Variants in NUDCD1 observed in about 807,000 individuals in gnomAD.
NUDCD1 encodes nudC domain-containing protein 1.
Under a neutral mutation model 67.8 loss-of-function variants are expected in NUDCD1, and 60 were observed. That is an observed-to-expected ratio of 0.88 (90% confidence interval 0.72 to 1.10). The LOEUF (loss-of-function observed/expected upper bound fraction) is 1.10. NUDCD1 is among the 50% of genes least tolerant of loss of function. The pLI, the probability that NUDCD1 is intolerant of heterozygous loss-of-function variation, is 0.00. For synonymous variants in NUDCD1, 244 were observed against 230.8 expected, an observed-to-expected ratio of 1.06 and a Z score of -0.52; for missense variants, 643 against 695.0, an observed-to-expected ratio of 0.93 and a Z score of 0.84.
chr8:109,271,090 TG>T lies in NUDCD1; in HGVS notation c.1213del (p.Gln405LysfsTer3). On this transcript the variant is annotated frameshift_variant, in exon 8 of 10. Coordinates refer to ENST00000239690, the MANE Select transcript of NUDCD1 (RefSeq NM_032869.4). LOFTEE classifies it high-confidence loss of function. ...PDKEKPPCNAQELEECDIFFE... is the reference protein window; with the variant it reads ...PDKEKPPCNAXELEECDIFFE... The stretch of plus-strand genomic sequence containing the variant: ...GAAAATATCACATTCTTCTAACTCT[TG>T]AGCATTGCAAGGTGGTTTTTCTTTA... 6.3e-7 allele frequency: 1 copy of T among 1,590,978 alleles called. No individual in the cohort carries two copies. Among genetic ancestry groups the T allele is most frequent in the Non-Finnish European group, 8.6e-7 (1 of 1,163,218 alleles).
intron 8 of NUDCD1, among the ~76,000 whole-genome samples, chr8:109,259,252 C>T (rs976278987): frequency 6.6e-6 from 1 of 152,196 alleles, no homozygotes; most frequent in Non-Finnish European, 1.5e-5. Flanking sequence ...GGCTTACTGG[C>T]CATCTCCACA....
chr8:109,280,910 A>G lies in NUDCD1; in HGVS notation c.1028+58T>C, dbSNP rs963203453. The G allele has an allele frequency of 3.8e-6, 3 of 797,872 alleles. No homozygotes were observed. The African/African-American group carries it at 5.2e-5, about 14-fold the overall frequency. 49.4% of individuals were successfully genotyped at this position (797,872 alleles called of 1,614,324 possible). A position where few individuals can be genotyped will look rare whatever the true frequency, so the allele number is the denominator to read the frequency against. On this transcript the variant is annotated intron_variant, in intron 6 of 9. Coordinates refer to ENST00000239690, the MANE Select transcript of NUDCD1 (RefSeq NM_032869.4). ...TCTCTGATGTAACCACTGTGGAAAGAGTAAAAAGAAAAGAAAAAAAGATAA... is the reference window on the plus strand; with the variant it reads ...TCTCTGATGTAACCACTGTGGAAAGGGTAAAAAGAAAAGAAAAAAAGATAA...
chr8:109,270,151 A>G (rs555405278), intron 8 of NUDCD1, among the ~76,000 whole-genome samples: 1 of 151,096 alleles, frequency 6.6e-6, no homozygotes, highest in African/African-American at 2.4e-5. Context: ...AACAAATTCC[A>G]GATGAATTAA....
intron 7 of NUDCD1, among the ~76,000 whole-genome samples, chr8:109,271,645 A>G (rs757890324): frequency 2.6e-5 from 4 of 152,192 alleles, no homozygotes; most frequent in Admixed American, 6.5e-5. Context: ...AAAATTGCAA[A>G]TAAGTAATGG....
intron 2 of NUDCD1, among the ~76,000 whole-genome samples, chr8:109,296,945 G>T (rs1467240206): frequency 6.6e-6 from 1 of 152,090 alleles, no homozygotes; most frequent in African/African-American, 2.4e-5. Context: ...TAATCATTTC[G>T]AAAATGTATC....
intron 5 of NUDCD1, among the ~76,000 whole-genome samples, chr8:109,284,913 T>C (rs1814538604): frequency 1.3e-5 from 2 of 150,132 alleles, no homozygotes; most frequent in African/African-American, 4.9e-5. Flanking sequence ...ACAAGATCAA[T>C]AGGCTGTTAG....
At chr8:109,301,062 C>T (rs887610573) in intron 2 of NUDCD1, among the ~76,000 whole-genome samples, 1 of 152,206 alleles carries the variant, frequency 6.6e-6, no homozygotes, top group African/African-American at 2.4e-5. Flanking sequence ...AGAGAATTCA[C>T]CACTACCAAG....
chr8:109,306,517 A>G (rs796761018), intron 2 of NUDCD1, among the ~76,000 whole-genome samples: 24 of 152,218 alleles, frequency 1.6e-4, no homozygotes, highest in African/African-American at 5.3e-4. Flanking sequence ...GTATATTTTT[A>G]AAAGAAGAGT....
At chr8:109,270,476 A>AT (rs1439025926) in intron 8 of NUDCD1, among the ~76,000 whole-genome samples, 1 of 152,190 alleles carries the variant, frequency 6.6e-6, no homozygotes, top group Non-Finnish European at 1.5e-5. Flanking sequence ...TCAGAGGCTT[A>AT]TGATTCATTA....
intron 1 of NUDCD1, among the ~76,000 whole-genome samples, chr8:109,332,169 A>C (rs1273860310): frequency 6.6e-6 from 1 of 152,196 alleles, no homozygotes; most frequent in Non-Finnish European, 1.5e-5. Context: ...ACAGACAACA[A>C]ATCAAGATAG....
rs533571866 is a variant in NUDCD1 at position 109,247,972 on chromosome 8, T to C, written c.1300-2491A>G. ...AGCAAAAGGGACTTTGTAGATGTGG[T>C]TAAGTTTAAGGTCCTGGGATGGAGA... On this transcript the variant is annotated intron_variant, in intron 8 of 9. Transcript: ENST00000239690. 3.9e-5 allele frequency among the ~76,000 whole-genome samples: 6 copies of C among 152,218 alleles called. No homozygotes were observed. The South Asian group carries it at 1.0e-3, about 26-fold the overall frequency.
At chr8:109,303,163 A>T (rs1262619539) in intron 2 of NUDCD1, among the ~76,000 whole-genome samples, 1 of 151,998 alleles carries the variant, frequency 6.6e-6, no homozygotes, top group Non-Finnish European at 1.5e-5. Flanking sequence ...TCTGTGTGGG[A>T]CCCCACTGGA....
intron 5 of NUDCD1, among the ~76,000 whole-genome samples, chr8:109,284,906 A>G (rs2129998528): frequency 6.6e-6 from 1 of 152,116 alleles, no homozygotes; most frequent in Non-Finnish European, 1.5e-5. Context: ...AGGATAAACA[A>G]GATCAATAGG....
chr8:109,247,411 T>A (rs1161571895), intron 8 of NUDCD1, among the ~76,000 whole-genome samples: 2 of 151,954 alleles, frequency 1.3e-5, no homozygotes, highest in Non-Finnish European at 2.9e-5. Context: ...GAGACAGCAG[T>A]GAGAAAAGAA....
intron 8 of NUDCD1, among the ~76,000 whole-genome samples, chr8:109,267,767 T>C (rs776640170): frequency 2.6e-5 from 4 of 152,198 alleles, no homozygotes; most frequent in African/African-American, 9.6e-5. Context: ...ATAAAAGCTA[T>C]GGTACAGTGA....
chr8:109,246,531 T>C (rs1586245547), intron 8 of NUDCD1, among the ~76,000 whole-genome samples: 1 of 152,224 alleles, frequency 6.6e-6, no homozygotes, highest in Admixed American at 6.5e-5. Flanking sequence ...ACATTTGTTA[T>C]TGTAACACAT....
At chr8:109,250,793 C>T (rs1463673314) in intron 8 of NUDCD1, among the ~76,000 whole-genome samples, 2 of 152,120 alleles carry the variant, frequency 1.3e-5, no homozygotes, top group Non-Finnish European at 2.9e-5. Context: ...ATAACAAAAT[C>T]AGCTCTGAGT....
At chr8:109,255,755 T>C (rs922493112) in intron 8 of NUDCD1, among the ~76,000 whole-genome samples, 1 of 148,734 alleles carries the variant, frequency 6.7e-6, no homozygotes, top group African/African-American at 2.5e-5. Context: ...AAAGACAACA[T>C]GAACAGAGGT....
chr8:109,280,625 T>C (rs1368332917), intron 6 of NUDCD1, among the ~76,000 whole-genome samples: 1 of 152,186 alleles, frequency 6.6e-6, no homozygotes. Context: ...AATGGAAATA[T>C]ATTATCAAGC....
Sources: allele counts gnomAD v4.1 joint callset (sites outside exome capture counted in the v4.1 genomes callset), GRCh38; gene constraint gnomAD v4.1.1; transcripts MANE v1.5; gene names NCBI Gene and HGNC (gene_info 2026-07-23, HGNC 2026-07-21).